The following STPG2 variants were observed in gnomAD, a reference collection of about 807,000 sequenced individuals.
STPG2 encodes sperm-tail PG-rich repeat-containing protein 2.
STPG2 carries 56 observed loss-of-function variants against 54.2 expected under a neutral mutation model. That is an observed-to-expected ratio of 1.03 (90% confidence interval 0.83 to 1.29). STPG2 has a LOEUF of 1.29. Ranked by LOEUF, STPG2 falls within the 50% of genes most tolerant of loss-of-function variation. The probability of loss-of-function intolerance (pLI) is 0.00; values close to 1 mark genes in which losing one functional copy is unlikely to be tolerated. For synonymous variants in STPG2, 200 were observed against 181.8 expected (o/e 1.10, Z -0.81); for missense variants, 596 against 544.9 (o/e 1.09, Z -0.93).
chr4:97,445,308 G>T (rs1729194134), intron 4 of STPG2, among the ~76,000 whole-genome samples: 1 of 151,998 alleles, frequency 6.6e-6, no homozygotes. Flanking sequence ...TGACATTATT[G>T]TACACATTGT....
At chr4:98,025,239 T>C (rs1197838459) in intron 5 of STPG2, among the ~76,000 whole-genome samples, 1 of 152,202 alleles carries the variant, frequency 6.6e-6, no homozygotes, top group Non-Finnish European at 1.5e-5. Flanking sequence ...CTTTTTTACT[T>C]GTATAAAGAA....
chr4:97,662,313 C>G (rs1722396820), intron 10 of STPG2, among the ~76,000 whole-genome samples: 1 of 151,968 alleles, frequency 6.6e-6, no homozygotes, highest in East Asian at 1.9e-4. Flanking sequence ...AAATGCAAAT[C>G]AAAACTACAA....
Position 97,791,845 on chromosome 4 carries a change from C to T in STPG2, c.1204+48928G>A, listed in dbSNP as rs113285648. Among the ~76,000 whole-genome samples the T allele has an allele frequency of 5.7e-3, 861 of 151,580 alleles. 5 individuals are homozygous for T. Among genetic ancestry groups the T allele is most frequent in the Middle Eastern group, 0.02 (6 of 294 alleles). On this transcript the variant is annotated intron_variant, in intron 9 of 10. Transcript: ENST00000295268. ...TAAAAAAAAAAGTACGTTGATGAAA[C>T]CACCATAGCTATTCAAGCTAATGAA... is the stretch of plus-strand genomic sequence containing the variant.
At chr4:97,619,520 C>T (rs1429727717) in intron 10 of STPG2, among the ~76,000 whole-genome samples, 2 of 120,662 alleles carry the variant, frequency 1.7e-5, no homozygotes, top group Non-Finnish European at 3.3e-5. Flanking sequence ...GACATGATTC[C>T]AGTGTTTTTT....
At chr4:97,944,877 T>C (rs1380197653) in intron 7 of STPG2, among the ~76,000 whole-genome samples, 1 of 152,156 alleles carries the variant, frequency 6.6e-6, no homozygotes, top group Non-Finnish European at 1.5e-5. Flanking sequence ...TTCCACATGA[T>C]ATTATTCCAA....
chr4:97,477,324 T>G (rs972127268), intron 4 of STPG2, among the ~76,000 whole-genome samples: 6 of 152,190 alleles, frequency 3.9e-5, no homozygotes, highest in African/African-American at 1.4e-4. Flanking sequence ...AATTTTCAGC[T>G]CTGAACTCCT....
intron 8 of STPG2, among the ~76,000 whole-genome samples, chr4:97,889,879 C>A (rs1049682084): frequency 6.6e-6 from 1 of 152,036 alleles, no homozygotes; most frequent in African/African-American, 2.4e-5. Flanking sequence ...TAGTTAGCTA[C>A]AGGATAGGAG....
At chr4:97,777,374 T>A (rs1470633002) in intron 9 of STPG2, among the ~76,000 whole-genome samples, 2 of 152,214 alleles carry the variant, frequency 1.3e-5, no homozygotes, top group African/African-American at 4.8e-5. Context: ...CTGATGCGAC[T>A]TTAAAAACTG....
chr4:98,130,570 C>T (rs1739958176), intron 2 of STPG2, among the ~76,000 whole-genome samples: 1 of 152,068 alleles, frequency 6.6e-6, no homozygotes, highest in South Asian at 2.1e-4. Flanking sequence ...AAATAAGAAA[C>T]CATTGAACGG....
chr4:97,768,036 G>A (rs537453355), intron 9 of STPG2, among the ~76,000 whole-genome samples: 1 of 151,812 alleles, frequency 6.6e-6, no homozygotes, highest in Non-Finnish European at 1.5e-5. Context: ...GCGTGGTGGC[G>A]GGCGTCTGTA....
chr4:97,638,588 C>T (rs1721646702), intron 10 of STPG2, among the ~76,000 whole-genome samples: 1 of 148,818 alleles, frequency 6.7e-6, no homozygotes, highest in Non-Finnish European at 1.5e-5. Context: ...TTTTTGCAAC[C>T]TACTCATCTG....
chr4:97,828,685 T>C (rs942741464), intron 9 of STPG2, among the ~76,000 whole-genome samples: 1 of 152,118 alleles, frequency 6.6e-6, no homozygotes, highest in Non-Finnish European at 1.5e-5. Context: ...GAGGTTGACC[T>C]GGGATGCTCG....
At chr4:97,609,885 A>AT (rs1407739438) in intron 10 of STPG2, among the ~76,000 whole-genome samples, 1 of 151,848 alleles carries the variant, frequency 6.6e-6, no homozygotes, top group African/African-American at 2.4e-5. Context: ...TCATATATAC[A>AT]TTTTTATCTT....
chr4:97,955,632 GC>G (rs1418976954), intron 7 of STPG2, among the ~76,000 whole-genome samples: 1 of 152,034 alleles, frequency 6.6e-6, no homozygotes, highest in Non-Finnish European at 1.5e-5. Context: ...AAAGATAATA[GC>G]CAAGAATTAT....
intron 9 of STPG2, among the ~76,000 whole-genome samples, chr4:97,816,018 T>C (rs758205477): frequency 1.9e-4 from 29 of 152,292 alleles, no homozygotes; most frequent in African/African-American, 7.2e-5. Flanking sequence ...CTCCTAATGC[T>C]ATCCCTCCCC....
At chr4:97,904,248 G>C (rs1405145664) in intron 8 of STPG2, among the ~76,000 whole-genome samples, 1 of 152,208 alleles carries the variant, frequency 6.6e-6, no homozygotes, top group Non-Finnish European at 1.5e-5. Flanking sequence ...CACAGCTGGA[G>C]ATCTGAGAAC....
At chr4:97,571,663 C>G (rs1732604084) in intron 10 of STPG2, among the ~76,000 whole-genome samples, 1 of 152,060 alleles carries the variant, frequency 6.6e-6, no homozygotes, top group African/African-American at 2.4e-5. Flanking sequence ...GTTGTCCCAC[C>G]TTTCTGGACC....
intron 9 of STPG2, among the ~76,000 whole-genome samples, chr4:97,722,780 T>C (rs1724489666): frequency 6.7e-6 from 1 of 150,354 alleles, no homozygotes; most frequent in Non-Finnish European, 1.5e-5. Flanking sequence ...CTTTAGTCCA[T>C]ATTTGAGTCT....
intron 5 of STPG2, among the ~76,000 whole-genome samples, chr4:98,092,043 C>T (rs183788764): frequency 7.9e-5 from 12 of 152,146 alleles, no homozygotes; most frequent in African/African-American, 2.4e-4. Flanking sequence ...GTATATAAAA[C>T]TCACTCAGTG....
Sources: allele counts gnomAD v4.1 joint callset (sites outside exome capture counted in the v4.1 genomes callset), GRCh38; gene constraint gnomAD v4.1.1; transcripts MANE v1.5; gene names NCBI Gene and HGNC (gene_info 2026-07-23, HGNC 2026-07-21).